The following MTMR11 variants were observed in gnomAD, a reference collection of about 807,000 sequenced individuals.
MTMR11 encodes myotubularin-related protein 11.
MTMR11 carries 89 observed loss-of-function variants against 100.0 expected under a neutral mutation model. That is an observed-to-expected ratio of 0.89 (90% CI 0.75 to 1.06). MTMR11 has a LOEUF of 1.06. Among genes scored for constraint, MTMR11 ranks in the 50% least tolerant of loss-of-function variants. MTMR11 has a pLI of 0.00. For synonymous variants in MTMR11, 336 were observed against 326.3 expected, an observed-to-expected ratio of 1.03 and a Z score of -0.32; for missense variants, 809 against 873.7, an observed-to-expected ratio of 0.93 and a Z score of 0.93.
rs753938262 is a variant in MTMR11, at chr1:149,928,769, A to G, written c.*360T>C. The G allele has an allele frequency of 1.2e-5, 14 of 1,192,866 alleles. No individual in the cohort carries two copies. The highest frequency in any genetic ancestry group is 3.8e-4 in the Middle Eastern group (2 of 5,310). 73.9% of individuals were successfully genotyped at this position (1,192,866 alleles called of 1,614,324 possible). A position where few individuals can be genotyped will look rare whatever the true frequency, so the allele number is the denominator to read the frequency against. ...TCCCATAGAAAACTATAAGGGAAGA[A>G]ATAGAACTTGGAATTAAAGCAGCAG... On this transcript the variant is annotated 3_prime_UTR_variant, in exon 17 of 17. Transcript: ENST00000439741.
In MTMR11 at chr1:149,929,329, G is replaced by A; in HGVS notation, c.1942-12C>T. 6.2e-7 allele frequency: 1 copy of A among 1,606,424 alleles called. No homozygotes were observed. The highest frequency in any genetic ancestry group is 8.5e-7 in the Non-Finnish European group (1 of 1,173,588). ...GCTGAGAGGCCCATCTGGGGAGGAG[G>A]CAAAGAGGAACAGAGAAGAATACTG... On this transcript the variant is annotated splice_polypyrimidine_tract_variant and intron_variant, in intron 16 of 16. Coordinates refer to ENST00000439741, the MANE Select transcript of MTMR11 (RefSeq NM_001145862.2).
In MTMR11 at chr1:149,929,074, G is replaced by A. The variant is rs2092618706; in HGVS notation, c.*55C>T. The A allele has an allele frequency of 2.9e-5, 45 of 1,565,454 alleles. 1 individual carries two copies. Among genetic ancestry groups the A allele is most frequent in the African/African-American group, 1.7e-4 (12 of 72,156 alleles). ...ACTTAAGGGCTGAAGTGTGAAAGCT[G>A]AGGCTGCAAGTGCAGATACAAAAAA... is the stretch of plus-strand genomic sequence containing the variant. On this transcript the variant is annotated 3_prime_UTR_variant, in exon 17 of 17. Transcript: ENST00000439741.
intron 4 of MTMR11, 56 bp from the exon 5 acceptor site, chr1:149,935,184 G>T: frequency 6.2e-7 from 1 of 1,610,624 alleles, no homozygotes; most frequent in Non-Finnish European, 8.5e-7. Context: ...CTCCAGAAGG[G>T]ACTCTTGCAG....
At chr1:149,936,420 C>G (rs1553769255) in intron 1 of MTMR11, 162 bp downstream of exon 1, 2 of 1,437,246 alleles carry the variant, frequency 1.4e-6, no homozygotes, top group Non-Finnish European at 1.8e-6. Context: ...AATGAGACAA[C>G]GAACTTGAGA....
Position 149,936,663 on chromosome 1 carries a change from CG to C in MTMR11, c.-17del. On this transcript the variant is annotated 5_prime_UTR_variant, in exon 1 of 17. Transcript: ENST00000439741. ...CCCACCACATTTCTCTGGCTCCATC[CG>C]GGGACACAGCAGTTAAGGGTGGGAA... 1.3e-6 allele frequency: 2 copies of C among 1,521,984 alleles called. No homozygotes were observed. The highest frequency in any genetic ancestry group is 1.8e-6 in the Non-Finnish European group (2 of 1,120,174). 94.3% of individuals were successfully genotyped at this position (1,521,984 alleles called of 1,614,324 possible). A position where few individuals can be genotyped will look rare whatever the true frequency, so the allele number is the denominator to read the frequency against.
At chr1:149,932,668 G>A (rs1022517071) in intron 10 of MTMR11, among the ~76,000 whole-genome samples, 5 of 152,116 alleles carry the variant, frequency 3.3e-5, no homozygotes, top group African/African-American at 9.7e-5. Flanking sequence ...CTCACTGGCC[G>A]GGCACGACGG....
intron 10 of MTMR11, among the ~76,000 whole-genome samples, chr1:149,932,934 G>A (rs1286407531): frequency 6.7e-6 from 1 of 149,416 alleles, no homozygotes; most frequent in African/African-American, 2.5e-5. Flanking sequence ...CTGGGCCACA[G>A]AGGGAGACTC....
intron 13 of MTMR11, 47 bp from the exon 14 acceptor site, chr1:149,931,012 G>C (rs782786741): frequency 1.7e-5 from 26 of 1,521,974 alleles, no homozygotes; most frequent in Non-Finnish European, 2.3e-5. Flanking sequence ...GACCCAAAGA[G>C]GGAGGATGAC....
At chr1:149,936,376 GGTAAACA>G (rs2101680221) in intron 1 of MTMR11, 147 bp from the exon 2 acceptor site, 2 of 1,473,812 alleles carry the variant, frequency 1.4e-6, no homozygotes, top group East Asian at 4.9e-5. Context: ...TAACAGGGCT[GGTAAACA>G]GTAAAGGGAG....
Position 149,933,837 on chromosome 1 carries a change from C to T in MTMR11, c.771+18G>A. 1 of 1,613,042 alleles carries T rather than the reference C, an allele frequency of 6.2e-7. No individual in the cohort carries two copies. The highest frequency in any genetic ancestry group is 1.1e-5 in the South Asian group (1 of 91,066). On this transcript the variant is annotated intron_variant, in intron 8 of 16. Coordinates refer to ENST00000439741, the MANE Select transcript of MTMR11 (RefSeq NM_001145862.2). The stretch of plus-strand genomic sequence containing the variant: ...TGACCCTCTAATCCACAGCCATTAC[C>T]CTAACCATCACACTGACCGGTCCAC...
Position 149,928,973 on chromosome 1 carries a change from T to C in MTMR11, c.*156A>G. On this transcript the variant is annotated 3_prime_UTR_variant, in exon 17 of 17. Coordinates refer to ENST00000439741, the MANE Select transcript of MTMR11 (RefSeq NM_001145862.2). ...TCAAATGACAAGAAGCAAAAATATT[T>C]GTAGAAACTAAGCAAGACAAGAGTT... 1 of 1,612,666 alleles carries C rather than the reference T, an allele frequency of 6.2e-7. No homozygotes were observed. Among genetic ancestry groups the C allele is most frequent in the Non-Finnish European group, 8.5e-7 (1 of 1,179,242 alleles).
rs782157276 is a variant in MTMR11, at chr1:149,929,618, C to T, written c.1941+5G>A. On this transcript the variant is annotated splice_donor_5th_base_variant and intron_variant, in intron 16 of 16. Transcript: ENST00000439741. ...TCCCACTCCCAGTCTATTTTCCCTT[C>T]TTACCTGGACCTCAGGCCTTCCCCT... The T allele has an allele frequency of 2.5e-6, 4 of 1,607,144 alleles. No individual in the cohort carries two copies. The highest frequency in any genetic ancestry group is 1.1e-5 in the South Asian group (1 of 90,702).
At position 149,929,723 on chromosome 1, in the gene MTMR11, C is replaced by T; in HGVS notation, c.1841G>A (p.Gly614Glu). 1 of 1,614,176 alleles carries T rather than the reference C, an allele frequency of 6.2e-7. No individual in the cohort carries two copies. The highest frequency in any genetic ancestry group is 1.3e-5 in the African/African-American group (1 of 75,040). The change falls in exon 16 of 17, where the codon GGA (glycine) becomes GAA (glutamate). Residue 614 changes from glycine to glutamate, a missense_variant. Coordinates refer to ENST00000439741, the MANE Select transcript of MTMR11 (RefSeq NM_001145862.2). ...DQEWGLPSHW[G>E]ACPLPPGLLL... is the part of the protein sequence containing the mutation. ...CAGCCCTGGAGGTAAAGGGCAAGCT[C>T]CCCAATGTGAGGGGAGACCCCATTC...
chr1:149,929,429 A>T, intron 16 of MTMR11, 112 bp from the exon 17 acceptor site: 1 of 1,230,586 alleles, frequency 8.1e-7, no homozygotes, highest in Non-Finnish European at 1.1e-6. Flanking sequence ...CTATGCCCTA[A>T]ATTCCACTTA....
At chr1:149,933,797 T>C (rs2092690225) in intron 8 of MTMR11, 58 bp downstream of exon 8, 3 of 1,606,490 alleles carry the variant, frequency 1.9e-6, no homozygotes, top group Non-Finnish European at 2.6e-6. Context: ...CCCTCCACGA[T>C]GTCCCTGGCC....
In MTMR11 at chr1:149,933,485, C is replaced by T; in HGVS notation, c.906G>A (p.Leu302=). ...MLQAGHSDVV[L]VDTMDELPSL... The stretch of plus-strand genomic sequence containing the variant: ...TGGGCAGCTCATCCATAGTGTCTAC[C>T]AGGACAACATCTGAATGCCCAGCCT... The change falls in exon 10 of 17, where the codon CTG becomes CTA. Residue 302 remains leucine, a synonymous_variant. Transcript: ENST00000439741. The T allele has an allele frequency of 1.2e-6, 2 of 1,614,102 alleles. No homozygotes were observed. The highest frequency in any genetic ancestry group is 1.7e-6 in the Non-Finnish European group (2 of 1,179,998).
chr1:149,935,084 G>A lies in MTMR11; in HGVS notation c.370C>T (p.His124Tyr). 6.2e-7 allele frequency: 1 copy of A among 1,614,194 alleles called. No individual in the cohort carries two copies. The highest frequency in any genetic ancestry group is 8.5e-7 in the Non-Finnish European group (1 of 1,180,040). Residue 124 changes from histidine (H) to tyrosine (Y), a missense_variant, in exon 5 of 17, where the codon CAT (histidine) becomes TAT (tyrosine). Coordinates refer to ENST00000439741, the MANE Select transcript of MTMR11 (RefSeq NM_001145862.2). ...RVQLLRPGSL[H>Y]KFIPEEILIH... ...AGAATCTCCTCAGGGATAAATTTAT[G>A]CAGGGACCCTGGACGGAGGAGCTGG... is the stretch of plus-strand genomic sequence containing the variant.
rs782050398 is a variant in MTMR11, at chr1:149,929,149, C to T, written c.2110G>A (p.Ala704Thr). 6.2e-7 allele frequency: 1 copy of T among 1,613,530 alleles called. No homozygotes were observed. Among genetic ancestry groups the T allele is most frequent in the South Asian group, 1.1e-5 (1 of 91,048 alleles). The change falls in exon 17 of 17, where the codon GCA becomes ACA. Residue 704 changes from alanine (A) to threonine (T), a missense_variant. Coordinates refer to ENST00000439741, the MANE Select transcript of MTMR11 (RefSeq NM_001145862.2). ...TEIAGILKGR[A>T]EGDLG ...CTCCTCTACCCCAGATCCCCCTCTG[C>T]CCTGCCTTTGAGAATGCCAGCAATT...
rs922608763 is a variant in MTMR11 at position 149,928,959 on chromosome 1, G to T, written c.*170C>A. 8 of 1,613,318 alleles carry T rather than the reference G, an allele frequency of 5.0e-6. No homozygotes were observed. The highest frequency in any genetic ancestry group is 6.8e-6 in the Non-Finnish European group (8 of 1,179,694). On this transcript the variant is annotated 3_prime_UTR_variant, in exon 17 of 17. Transcript: ENST00000439741. ...TGTTTCTTAATCCTTCAAATGACAA[G>T]AAGCAAAAATATTTGTAGAAACTAA...
Sources: allele counts gnomAD v4.1 joint callset (sites outside exome capture counted in the v4.1 genomes callset), GRCh38; gene constraint gnomAD v4.1.1; transcripts MANE v1.5; gene names NCBI Gene and HGNC (gene_info 2026-07-23, HGNC 2026-07-21).